The following COA1 variants were observed in gnomAD, a reference collection of about 807,000 sequenced individuals.
COA1 encodes the protein cytochrome c oxidase assembly factor 1.
A neutral mutation model predicts 16.0 loss-of-function variants in COA1; 13 were observed. The ratio of observed to expected loss-of-function variants is 0.81; its 90% CI spans 0.53 to 1.29. COA1 has a LOEUF of 1.29. COA1 is among the 50% of genes most tolerant of loss of function. The pLI is 0.00. For missense variants in COA1, 179 were observed against 177.0 expected (o/e 1.01, Z -0.06); for synonymous variants, 65 against 65.7 (o/e 0.99, Z 0.05).
At chr7:43,692,959 A>G (rs1333622792) in intron 1 of COA1, among the ~76,000 whole-genome samples, 1 of 152,168 alleles carries the variant, frequency 6.6e-6, no homozygotes, top group Admixed American at 6.5e-5. Flanking sequence ...TTTTTTAAAA[A>G]TAAATTATCT....
At chr7:43,634,184 G>A in intron 6 of COA1, among the ~76,000 whole-genome samples, 1 of 151,876 alleles carries the variant, frequency 6.6e-6, no homozygotes. Flanking sequence ...TGTTATCTTG[G>A]TGTTGGTGTC....
At chr7:43,647,489 C>T in intron 3 of COA1, 46 bp downstream of exon 3, 1 of 1,219,472 alleles carries the variant, frequency 8.2e-7, no homozygotes, top group Non-Finnish European at 1.2e-6. Context: ...GGAGCAGGAG[C>T]AGGCTAGGAG....
At chr7:43,684,538 C>G (rs1412532967) in intron 1 of COA1, among the ~76,000 whole-genome samples, 6 of 152,128 alleles carry the variant, frequency 3.9e-5, no homozygotes, top group Non-Finnish European at 8.8e-5. Flanking sequence ...TTACTTTCAC[C>G]ATATTCTATT....
At chr7:43,654,739 A>T (rs530806619) in intron 1 of COA1, among the ~76,000 whole-genome samples, 1 of 152,344 alleles carries the variant, frequency 6.6e-6, no homozygotes, top group South Asian at 2.1e-4. Flanking sequence ...AACAAAAATG[A>T]TACTAAAAGA....
downstream of COA1, among the ~76,000 whole-genome samples, chr7:43,638,566 CTTTTTTTTTTTT>C (rs746584234): frequency 3.1e-5 from 3 of 97,426 alleles, no homozygotes; most frequent in Non-Finnish European, 4.3e-5. Flanking sequence ...TTTTTCTTTC[CTTTTTTTTTTTT>C]TTTTTTTTTT....
intron 1 of COA1, among the ~76,000 whole-genome samples, chr7:43,711,714 T>C (rs929063136): frequency 3.3e-5 from 5 of 152,196 alleles, no homozygotes; most frequent in African/African-American, 1.2e-4. Context: ...GCTCCTAGGC[T>C]ATAAACAGGT....
At chr7:43,639,726 A>T in intron 5 of COA1, 45 bp from the exon 6 acceptor site, 2 of 1,469,528 alleles carry the variant, frequency 1.4e-6, no homozygotes, top group South Asian at 1.1e-5. Context: ...ATGAAGGCTG[A>T]GGCAACAGCC....
At chr7:43,707,810 T>C (rs926599708) in intron 1 of COA1, among the ~76,000 whole-genome samples, 1 of 152,208 alleles carries the variant, frequency 6.6e-6, no homozygotes, top group South Asian at 2.1e-4. Context: ...CTAGTACAAA[T>C]AGTGGTGCTA....
chr7:43,666,314 AT>A (rs2092885861), intron 1 of COA1, among the ~76,000 whole-genome samples: 2 of 152,154 alleles, frequency 1.3e-5, no homozygotes, highest in African/African-American at 4.8e-5. Flanking sequence ...GGCACCCTTA[AT>A]TTTAGGGATC....
chr7:43,657,568 C>A (rs2091900851), intron 1 of COA1, among the ~76,000 whole-genome samples: 1 of 151,978 alleles, frequency 6.6e-6, no homozygotes, highest in East Asian at 1.9e-4. Flanking sequence ...CCGTGCTAGG[C>A]ACTAGAAACA....
At chr7:43,691,061 A>AG (rs2094257649) in intron 1 of COA1, among the ~76,000 whole-genome samples, 1 of 129,962 alleles carries the variant, frequency 7.7e-6, no homozygotes, top group Non-Finnish European at 1.6e-5. Flanking sequence ...CTACAAAAAA[A>AG]AAAAAAAAAA....
At chr7:43,641,647 C>G (rs898861020) in intron 4 of COA1, 2 of 152,122 alleles carry the variant, frequency 1.3e-5, no homozygotes, top group Non-Finnish European at 2.9e-5. Context: ...AAATACAATA[C>G]ATGAAGGCTT....
At chr7:43,620,307 A>G (rs999097678) in intron 6 of COA1, among the ~76,000 whole-genome samples, 1 of 152,198 alleles carries the variant, frequency 6.6e-6, no homozygotes, top group Non-Finnish European at 1.5e-5. Context: ...TGAAAGATTA[A>G]TAGTTTGATG....
rs532420488 is a variant in COA1 at position 43,727,661 on chromosome 7, T to C, written c.-39+1768A>G. Among the ~76,000 whole-genome samples, 8 of 152,318 alleles carry C rather than the reference T, an allele frequency of 5.3e-5. No homozygotes were observed. In the East Asian group the frequency reaches 1.5e-3, roughly 29 times the overall value. On this transcript the variant is annotated intron_variant, in intron 1 of 5. Transcript: ENST00000223336. ...ATGAATAATCCAGAATAGTCAAATA[T>C]ACAGTCAGTCAATTCATAGTTGCTT...
rs2094625588 is a variant in COA1 at position 43,699,246 on chromosome 7, T to C, written c.-39+30183A>G. 2.6e-5 allele frequency among the ~76,000 whole-genome samples: 4 copies of C among 152,130 alleles called. No individual in the cohort carries two copies. In the South Asian group the frequency reaches 8.3e-4, roughly 32 times the overall value. On this transcript the variant is annotated intron_variant, in intron 1 of 5. Transcript: ENST00000223336. ...AAAAACACATATACCCCTCAGTTAGTGAATTTTACAGAGAGCACAGCAACA... is the reference window on the plus strand; with the variant it reads ...AAAAACACATATACCCCTCAGTTAGCGAATTTTACAGAGAGCACAGCAACA...
chr7:43,619,962 T>A, intron 6 of COA1, among the ~76,000 whole-genome samples: 1 of 152,242 alleles, frequency 6.6e-6, no homozygotes, highest in Non-Finnish European at 1.5e-5. Flanking sequence ...AGGGATTACT[T>A]CTAAAAGGAA....
At chr7:43,687,463 C>G (rs956520322) in intron 1 of COA1, among the ~76,000 whole-genome samples, 16 of 152,018 alleles carry the variant, frequency 1.1e-4, no homozygotes, top group African/African-American at 3.9e-4. Flanking sequence ...AAACATATAC[C>G]TGCATCCTAA....
intron 1 of COA1, among the ~76,000 whole-genome samples, chr7:43,701,400 A>G (rs1369712236): frequency 1.3e-5 from 2 of 152,182 alleles, no homozygotes; most frequent in East Asian, 3.9e-4. Flanking sequence ...TTTGCTTAGG[A>G]TAATGGCCTC....
At chr7:43,690,300 A>C (rs10243963) in intron 1 of COA1, among the ~76,000 whole-genome samples, 22,337 of 152,176 alleles carry the variant, frequency 0.15, 2,185 homozygotes, top group Non-Finnish European at 0.21. Flanking sequence ...TACTTGCACA[A>C]ACATAGTTTA....
Sources: gnomAD v4.1 joint callset for allele counts (sites outside exome capture counted in the v4.1 genomes callset) on GRCh38, gnomAD v4.1.1 for gene constraint, MANE v1.5 for transcripts, NCBI Gene and HGNC (gene_info 2026-07-23, HGNC 2026-07-21) for gene names.